Variants in DOCK1 observed in about 807,000 individuals in gnomAD.
DOCK1 encodes the protein dedicator of cytokinesis protein 1.
A neutral mutation model predicts 262.7 loss-of-function variants in DOCK1; 138 were observed. The observed-to-expected ratio is 0.53, with a 90% CI of 0.46 to 0.61. DOCK1 has a LOEUF of 0.61. Among genes scored for constraint, DOCK1 ranks in the 20% least tolerant of loss-of-function variants. The probability of loss-of-function intolerance (pLI) is 0.00; values close to 1 mark genes in which losing one functional copy is unlikely to be tolerated. For missense variants in DOCK1, 1,908 were observed against 2,370.7 expected (o/e 0.80, Z 4.05); for synonymous variants, 866 against 867.4 (o/e 1.00, Z 0.03).
At chr10:126,981,355 AC>A (rs1176443162) in intron 3 of DOCK1, among the ~76,000 whole-genome samples, 2 of 152,158 alleles carry the variant, frequency 1.3e-5, no homozygotes, top group African/African-American at 4.8e-5. Context: ...TGTGCATTGC[AC>A]TTGAGGGAGG....
At chr10:126,993,273 C>T (rs1300196043) in intron 6 of DOCK1, among the ~76,000 whole-genome samples, 1 of 152,222 alleles carries the variant, frequency 6.6e-6, no homozygotes, top group Non-Finnish European at 1.5e-5. Flanking sequence ...GGCTGGGCCT[C>T]CTAAGCTGGT....
At chr10:126,957,938 A>G (rs999373858) in intron 1 of DOCK1, among the ~76,000 whole-genome samples, 4 of 152,242 alleles carry the variant, frequency 2.6e-5, no homozygotes, top group African/African-American at 9.6e-5. Flanking sequence ...TGTGGCTCAA[A>G]ATGTTGAGCA....
At chr10:127,300,749 T>C (rs553027693) in intron 29 of DOCK1, among the ~76,000 whole-genome samples, 1 of 152,280 alleles carries the variant, frequency 6.6e-6, no homozygotes, top group Non-Finnish European at 1.5e-5. Flanking sequence ...CCGTTTTCTC[T>C]CCCTAATTCT....
At chr10:127,078,303 C>T (rs957738970) in intron 23 of DOCK1, among the ~76,000 whole-genome samples, 10 of 151,952 alleles carry the variant, frequency 6.6e-5, no homozygotes, top group African/African-American at 2.4e-4. Flanking sequence ...GGGAAAAATT[C>T]AGAAGCTTTC....
chr10:127,353,908 TCTC>T (rs1419026888), intron 31 of DOCK1, among the ~76,000 whole-genome samples: 1 of 152,136 alleles, frequency 6.6e-6, no homozygotes, highest in African/African-American at 2.4e-5. Context: ...CCTTCTCACA[TCTC>T]CTGACACGAG....
intron 28 of DOCK1, among the ~76,000 whole-genome samples, chr10:127,255,356 T>C (rs937202434): frequency 2.0e-5 from 3 of 152,124 alleles, no homozygotes; most frequent in Non-Finnish European, 4.4e-5. Context: ...ACTAAGATCG[T>C]GCCACTGTAC....
intron 29 of DOCK1, among the ~76,000 whole-genome samples, chr10:127,262,519 C>T (rs1325905707): frequency 2.0e-5 from 3 of 152,132 alleles, no homozygotes; most frequent in Non-Finnish European, 4.4e-5. Context: ...CCCCCATATG[C>T]TGCCCTTTGT....
intron 12 of DOCK1, among the ~76,000 whole-genome samples, chr10:127,017,518 C>T (rs957202417): frequency 6.7e-5 from 10 of 149,930 alleles, no homozygotes; most frequent in Non-Finnish European, 1.0e-4. Flanking sequence ...CAGACACACA[C>T]GTGTACAGAC....
intron 1 of DOCK1, among the ~76,000 whole-genome samples, chr10:126,927,993 C>T (rs1290081969): frequency 2.6e-5 from 4 of 152,096 alleles, no homozygotes; most frequent in Admixed American, 6.5e-5. Flanking sequence ...GGTCTGCGAA[C>T]GCCAGTGAGG....
intron 1 of DOCK1, among the ~76,000 whole-genome samples, chr10:126,965,969 C>G (rs1021335209): frequency 6.6e-6 from 1 of 152,160 alleles, no homozygotes; most frequent in Non-Finnish European, 1.5e-5. Context: ...CTTAATTCTC[C>G]TATCTAGCTG....
intron 44 of DOCK1, 32 bp downstream of exon 44, chr10:127,415,270 C>T: frequency 1.3e-6 from 2 of 1,596,486 alleles, no homozygotes; most frequent in Non-Finnish European, 1.7e-6. Context: ...AAGGAATTGT[C>T]CGTTCCCTTC....
chr10:126,940,261 G>C (rs968141930), intron 1 of DOCK1, among the ~76,000 whole-genome samples: 2 of 152,162 alleles, frequency 1.3e-5, no homozygotes, highest in Non-Finnish European at 2.9e-5. Context: ...ATTTGCAGTT[G>C]GGAGTTGATT....
rs1287342980 is a variant in DOCK1, at chr10:126,978,113, AT to A, written c.171+126del. On this transcript the variant is annotated intron_variant, in intron 3 of 51. Coordinates refer to ENST00000623213, the MANE Select transcript of DOCK1 (RefSeq NM_001290223.2). ...TATCTCTTTCTCTGAATTTAAAAAA[AT>A]ATATGGGTAGGAATGTGAACGAGCT... The A allele has an allele frequency of 2.8e-5, 26 of 922,434 alleles. No individual in the cohort carries two copies. The Middle Eastern group carries it at 1.2e-3, about 43-fold the overall frequency. 57.1% of individuals were successfully genotyped at this position (922,434 alleles called of 1,614,324 possible). A position where few individuals can be genotyped will look rare whatever the true frequency, so the allele number is the denominator to read the frequency against.
At chr10:127,256,233 G>C (rs910226264) in intron 28 of DOCK1, among the ~76,000 whole-genome samples, 2 of 152,212 alleles carry the variant, frequency 1.3e-5, no homozygotes, top group African/African-American at 4.8e-5. Context: ...TCTTAACTTT[G>C]AACATTAGCT....
In DOCK1 at chr10:127,236,500, G is replaced by GTTT. The variant is rs771387854; in HGVS notation, c.2848-11485_2848-11483dup. On this transcript the variant is annotated intron_variant, in intron 27 of 51. Coordinates refer to ENST00000623213, the MANE Select transcript of DOCK1 (RefSeq NM_001290223.2). The stretch of plus-strand genomic sequence containing the variant: ...TGCACATTGATCCTTCTTGACACGG[G>GTTT]TTTTTTTTTTTTTTTTTTTTTTTTT... Among the ~76,000 whole-genome samples the GTTT allele has an allele frequency of 3.9e-3, 258 of 66,776 alleles. 8 individuals are homozygous for GTTT. Among genetic ancestry groups the GTTT allele is most frequent in the African/African-American group, 5.5e-3 (95 of 17,186 alleles). The allele number at this position is 66,776 out of a possible 152,430, so 43.8% of individuals were successfully genotyped here.
intron 27 of DOCK1, among the ~76,000 whole-genome samples, chr10:127,227,549 C>G (rs1322599119): frequency 1.3e-5 from 2 of 152,238 alleles, no homozygotes; most frequent in African/African-American, 4.8e-5. Flanking sequence ...TCTAGCTACA[C>G]AAGATGGGCT....
intron 29 of DOCK1, among the ~76,000 whole-genome samples, chr10:127,272,813 A>G (rs909618840): frequency 6.6e-6 from 1 of 152,238 alleles, no homozygotes; most frequent in Non-Finnish European, 1.5e-5. Context: ...CATGTCTCAC[A>G]CGGTGGCAGA....
intron 27 of DOCK1, among the ~76,000 whole-genome samples, chr10:127,223,041 T>C (rs2058501241): frequency 1.3e-5 from 2 of 152,314 alleles, no homozygotes; most frequent in South Asian, 2.1e-4. Context: ...TTTAAAAAAT[T>C]GTAGAACCTG....
rs1032165959 is a variant in DOCK1, at chr10:126,946,848, T to C, written c.47-23854T>C. On this transcript the variant is annotated intron_variant, in intron 1 of 51. Coordinates refer to ENST00000623213, the MANE Select transcript of DOCK1 (RefSeq NM_001290223.2). ...TTGTGACATGGTTTCTTCCCAGCAT[T>C]TGACTGTTGTGAACAACTTGTCCAC... is the stretch of plus-strand genomic sequence containing the variant. Among the ~76,000 whole-genome samples the C allele has an allele frequency of 1.9e-4, 29 of 152,350 alleles. No homozygotes were observed. The South Asian group carries it at 4.8e-3, about 25-fold the overall frequency.
Sources: allele counts gnomAD v4.1 joint callset (sites outside exome capture counted in the v4.1 genomes callset), GRCh38; gene constraint gnomAD v4.1.1; transcripts MANE v1.5; gene names NCBI Gene and HGNC (gene_info 2026-07-23, HGNC 2026-07-21).